PDE4D: variants seen among roughly 807,000 people sequenced by gnomAD.
PDE4D encodes the protein phosphodiesterase 4D, also known as 3',5'-cyclic-AMP phosphodiesterase 4D.
In PDE4D, 24 loss-of-function variants were observed where a neutral mutation model predicts 87.4. That is an observed-to-expected ratio of 0.27 (90% CI 0.20 to 0.39). The LOEUF (loss-of-function observed/expected upper bound fraction) is 0.39. Ranked by LOEUF, PDE4D falls within the 10% of genes least tolerant of loss-of-function variation. The pLI is 1.00. For missense variants in PDE4D, 714 were observed against 1,041.0 expected (o/e 0.69, Z 4.32); for synonymous variants, 384 against 383.2 (o/e 1.00, Z -0.02).
rs1033270437 is a variant in PDE4D at position 59,930,084 on chromosome 5, C to A, written c.272+58404G>T. Among the ~76,000 whole-genome samples the A allele has an allele frequency of 2.0e-5, 3 of 147,264 alleles. No homozygotes were observed. The Admixed American group carries it at 2.1e-4, about 10-fold the overall frequency. On this transcript the variant is annotated intron_variant, in intron 3 of 16. Transcript: ENST00000502484. ...GGCTGAGGCAGGAGAATGGCGTGAA[C>A]CCGGGAGGCGGAGCTTGCAGTGAGC...
chr5:60,375,493 A>G (rs1219868132), intron 1 of PDE4D, among the ~76,000 whole-genome samples: 1 of 152,240 alleles, frequency 6.6e-6, no homozygotes, highest in Non-Finnish European at 1.5e-5. Flanking sequence ...CACATACAAC[A>G]GTTAGTAACA....
intron 5 of PDE4D, among the ~76,000 whole-genome samples, chr5:59,179,238 C>T (rs907729776): frequency 3.3e-5 from 5 of 152,086 alleles, no homozygotes; most frequent in African/African-American, 1.2e-4. Context: ...TCCCGAGTAG[C>T]TTGGATTACA....
chr5:59,671,779 C>A (rs1580315573), intron 1 of PDE4D, among the ~76,000 whole-genome samples: 1 of 150,792 alleles, frequency 6.6e-6, no homozygotes, highest in Non-Finnish European at 1.5e-5. Context: ...TCCACTCCAG[C>A]CTGGGTGACA....
chr5:59,596,645 T>C (rs1826721645), intron 1 of PDE4D, among the ~76,000 whole-genome samples: 1 of 151,984 alleles, frequency 6.6e-6, no homozygotes, highest in South Asian at 2.1e-4. Context: ...AATAAATGAG[T>C]CTCTATACCA....
intron 1 of PDE4D, among the ~76,000 whole-genome samples, chr5:60,405,593 G>T (rs1218463375): frequency 6.6e-6 from 1 of 152,180 alleles, no homozygotes; most frequent in Non-Finnish European, 1.5e-5. Context: ...TTTAACAAAA[G>T]ACAGCAAATA....
chr5:59,702,675 C>T (rs1752754199), intron 1 of PDE4D, among the ~76,000 whole-genome samples: 1 of 151,804 alleles, frequency 6.6e-6, no homozygotes, highest in South Asian at 2.1e-4. Flanking sequence ...TTGTGACCAG[C>T]CTGGGCAACA....
intron 1 of PDE4D, among the ~76,000 whole-genome samples, chr5:60,241,959 A>G (rs1300060415): frequency 6.6e-6 from 1 of 152,190 alleles, no homozygotes; most frequent in Non-Finnish European, 1.5e-5. Flanking sequence ...GTCTGTCAGC[A>G]GACTTTTCAG....
chr5:59,831,318 A>G (rs2152697788), intron 1 of PDE4D, among the ~76,000 whole-genome samples: 1 of 118,488 alleles, frequency 8.4e-6, no homozygotes, highest in African/African-American at 4.0e-5. Context: ...GAGGTCATAA[A>G]TTATTCTCAA....
chr5:59,205,693 C>CACACAT (rs1269430557), intron 2 of PDE4D, among the ~76,000 whole-genome samples: 2 of 149,812 alleles, frequency 1.3e-5, no homozygotes, highest in East Asian at 3.9e-4. Context: ...CACACACACA[C>CACACAT]ACACACCAAT....
chr5:60,433,236 A>C (rs1381889420), intron 1 of PDE4D, among the ~76,000 whole-genome samples: 1 of 152,164 alleles, frequency 6.6e-6, no homozygotes. Flanking sequence ...ATTGACAAGC[A>C]AAAAAACAAA....
intron 3 of PDE4D, among the ~76,000 whole-genome samples, chr5:59,980,412 T>C (rs1761801141): frequency 6.6e-6 from 1 of 152,212 alleles, no homozygotes; most frequent in South Asian, 2.1e-4. Context: ...CCTTAAAAAA[T>C]ATGGGATTCC....
chr5:59,256,614 T>C (rs1037875916), intron 1 of PDE4D, among the ~76,000 whole-genome samples: 4 of 152,076 alleles, frequency 2.6e-5, no homozygotes, highest in African/African-American at 9.7e-5. Context: ...CATCACGTTT[T>C]GATGATGTTA....
intron 1 of PDE4D, among the ~76,000 whole-genome samples, chr5:59,377,757 A>G (rs1427857018): frequency 6.6e-6 from 1 of 152,232 alleles, no homozygotes; most frequent in African/African-American, 2.4e-5. Flanking sequence ...AATGCAAATC[A>G]AAACCACAAT....
rs1282667307 is a variant in PDE4D at position 59,555,406 on chromosome 5, T to G, written c.455+337762A>C. ...ATAACTATTGGGTAGTAGGCTTAGT[T>G]CCTGGGTGATGAAATAATCTGTACA... On this transcript the variant is annotated intron_variant, in intron 1 of 14. Transcript: ENST00000340635. Among the ~76,000 whole-genome samples, 8 of 151,962 alleles carry G rather than the reference T, an allele frequency of 5.3e-5. No homozygotes were observed. In the South Asian group the frequency reaches 1.5e-3, roughly 28 times the overall value.
chr5:60,295,806 C>T (rs1169136567), intron 1 of PDE4D, among the ~76,000 whole-genome samples: 1 of 152,166 alleles, frequency 6.6e-6, no homozygotes, highest in East Asian at 1.9e-4. Flanking sequence ...GCTTGGTTCA[C>T]CTATGTCTTT....
At chr5:59,424,334 C>G (rs374605676) in intron 1 of PDE4D, among the ~76,000 whole-genome samples, 10 of 152,270 alleles carry the variant, frequency 6.6e-5, no homozygotes, top group Admixed American at 3.3e-4. Flanking sequence ...AAAGGAAGGG[C>G]CTCTCATCAA....
At chr5:59,734,392 A>G (rs975268585) in intron 1 of PDE4D, among the ~76,000 whole-genome samples, 1 of 152,142 alleles carries the variant, frequency 6.6e-6, no homozygotes, top group African/African-American at 2.4e-5. Context: ...TCCTTATTCT[A>G]TTTGTCCTAA....
chr5:59,949,763 C>A (rs974553966), intron 3 of PDE4D, among the ~76,000 whole-genome samples: 1 of 152,190 alleles, frequency 6.6e-6, no homozygotes, highest in Admixed American at 6.5e-5. Flanking sequence ...CTAAATCCAG[C>A]AAATCTGTTT....
intron 1 of PDE4D, among the ~76,000 whole-genome samples, chr5:60,409,897 G>GA (rs397741452): frequency 1.2e-4 from 2 of 17,212 alleles, no homozygotes; most frequent in African/African-American, 5.2e-3. Flanking sequence ...AAGCAGGGAA[G>GA]AACAAAGCAG....
Sources: allele counts gnomAD v4.1 joint callset (sites outside exome capture counted in the v4.1 genomes callset), GRCh38; gene constraint gnomAD v4.1.1; transcripts MANE v1.5; gene names NCBI Gene and HGNC (gene_info 2026-07-23, HGNC 2026-07-21).